The following MYO16 variants were observed in gnomAD, a reference collection of about 807,000 sequenced individuals.
The protein encoded by MYO16 is unconventional myosin-XVI.
Under a neutral mutation model 205.3 loss-of-function variants are expected in MYO16, and 94 were observed. The ratio of observed to expected loss-of-function variants is 0.46; its 90% confidence interval spans 0.39 to 0.54. The LOEUF (loss-of-function observed/expected upper bound fraction) is 0.54. Among genes scored for constraint, MYO16 ranks in the 20% least tolerant of loss-of-function variants. The pLI is 0.00. For synonymous variants in MYO16, 988 were observed against 954.0 expected (o/e 1.04, Z -0.66); for missense variants, 2,315 against 2,387.5 (o/e 0.97, Z 0.63).
rs78399922 is a variant in MYO16, at chr13:109,035,867, C to T, written c.2797-11049C>T. Among the ~76,000 whole-genome samples the T allele has an allele frequency of 6.5e-3, 987 of 152,208 alleles. 12 individuals are homozygous for T. The highest frequency in any genetic ancestry group is 0.023 in the African/African-American group (938 of 41,528). On this transcript the variant is annotated intron_variant, in intron 23 of 34. Coordinates refer to ENST00000457511, the MANE Select transcript of MYO16 (RefSeq NM_001198950.3). Reference sequence around the variant, plus strand: ...ACGTGCATCCAACTTAACTGGGGAGCAAGTTTAAAATGCAGCTTCCTGGAT... The same window carrying T: ...ACGTGCATCCAACTTAACTGGGGAGTAAGTTTAAAATGCAGCTTCCTGGAT...
chr13:108,852,781 A>G (rs984086249), intron 10 of MYO16, among the ~76,000 whole-genome samples: 47 of 152,294 alleles, frequency 3.1e-4, no homozygotes, highest in Admixed American at 7.8e-4. Context: ...GCACTGGGCC[A>G]AATTTTCCTC....
intron 20 of MYO16, among the ~76,000 whole-genome samples, chr13:108,975,206 A>G (rs1275077799): frequency 1.3e-5 from 2 of 151,696 alleles, no homozygotes; most frequent in East Asian, 1.9e-4. Flanking sequence ...TTTTTTATTA[A>G]AAAGGCCACT....
intron 14 of MYO16, among the ~76,000 whole-genome samples, chr13:108,892,880 G>A (rs74119695): frequency 4.2e-4 from 64 of 152,274 alleles, no homozygotes; most frequent in African/African-American, 1.5e-3. Flanking sequence ...ATTCTAAAGT[G>A]CATTCCTTTG....
At chr13:108,523,274 G>A in the MYO16 span, among the ~76,000 whole-genome samples, 1 of 152,208 alleles carries the variant, frequency 6.6e-6, no homozygotes, top group African/African-American at 2.4e-5. Flanking sequence ...AGGAAACTCA[G>A]ATTTCTGAAT....
At chr13:109,012,899 T>C (rs1314192122) in intron 22 of MYO16, among the ~76,000 whole-genome samples, 4 of 152,024 alleles carry the variant, frequency 2.6e-5, no homozygotes, top group African/African-American at 7.2e-5. Flanking sequence ...GGTCTAAAAA[T>C]TGGAATATCA....
chr13:109,183,295 C>T (rs1221809366), intron 34 of MYO16, among the ~76,000 whole-genome samples: 1 of 152,212 alleles, frequency 6.6e-6, no homozygotes, highest in Non-Finnish European at 1.5e-5. Flanking sequence ...TGGCAATCCT[C>T]TGCCGACTCA....
chr13:108,585,677 T>C, the MYO16 span, among the ~76,000 whole-genome samples: 3 of 152,174 alleles, frequency 2.0e-5, no homozygotes, highest in Non-Finnish European at 4.4e-5. Flanking sequence ...TGGGGTTAAG[T>C]ATTTTTTTCC....
In MYO16 at chr13:108,734,806, G is replaced by A. The variant is rs750716478; in HGVS notation, c.507+7223G>A. Among the ~76,000 whole-genome samples the A allele has an allele frequency of 5.4e-4, 82 of 152,346 alleles. 1 individual carries two copies. Among genetic ancestry groups the A allele is most frequent in the Middle Eastern group, 3.4e-3 (1 of 294 alleles). On this transcript the variant is annotated intron_variant, in intron 4 of 34. Transcript: ENST00000457511. ...TTTCTGGAAGGTATCATGTCCCATG[G>A]TGTGGGCAGGGCCTCTTGCTCTTCA...
At chr13:108,968,674 G>A (rs1883893352) in intron 20 of MYO16, among the ~76,000 whole-genome samples, 1 of 152,042 alleles carries the variant, frequency 6.6e-6, no homozygotes, top group East Asian at 1.9e-4. Flanking sequence ...AGTCAAAATA[G>A]CAATTTGATG....
chr13:108,607,307 T>C (rs1285011242), intron 1 of MYO16, among the ~76,000 whole-genome samples: 1 of 152,170 alleles, frequency 6.6e-6, no homozygotes, highest in Non-Finnish European at 1.5e-5. Flanking sequence ...TCTGGCTATG[T>C]GTCCCCACCC....
intron 1 of MYO16, among the ~76,000 whole-genome samples, chr13:108,599,339 T>C (rs1017695744): frequency 6.7e-6 from 1 of 148,996 alleles, no homozygotes; most frequent in African/African-American, 2.5e-5. Flanking sequence ...TGATTTATAG[T>C]CCTTTGGGTA....
intron 6 of MYO16, among the ~76,000 whole-genome samples, chr13:108,804,918 G>A (rs1014645218): frequency 2.6e-5 from 4 of 152,186 alleles, no homozygotes; most frequent in Non-Finnish European, 5.9e-5. Context: ...AATTTTTGCT[G>A]TATGGAAAGC....
intron 31 of MYO16, among the ~76,000 whole-genome samples, chr13:109,134,478 G>A (rs1876679429): frequency 6.6e-6 from 1 of 152,172 alleles, no homozygotes; most frequent in East Asian, 1.9e-4. Context: ...TGGAGCAGTT[G>A]TCACTCTCGG....
chr13:108,555,891 G>A, the MYO16 span, among the ~76,000 whole-genome samples: 117 of 152,136 alleles, frequency 7.7e-4, no homozygotes, highest in African/African-American at 2.5e-3. Context: ...CCATAATGTG[G>A]TCCAAGTTCA....
At chr13:108,993,273 G>A (rs1884897920) in intron 21 of MYO16, among the ~76,000 whole-genome samples, 1 of 152,020 alleles carries the variant, frequency 6.6e-6, no homozygotes, top group South Asian at 2.1e-4. Context: ...TAGTAGCGTC[G>A]ATTTCTTGGC....
intron 16 of MYO16, among the ~76,000 whole-genome samples, chr13:108,926,758 T>C (rs1405739988): frequency 2.0e-5 from 3 of 152,166 alleles, no homozygotes; most frequent in African/African-American, 7.2e-5. Flanking sequence ...CCAGAAAGGC[T>C]CTTTCCTTAC....
chr13:108,590,992 A>G, the MYO16 span, among the ~76,000 whole-genome samples: 5 of 152,336 alleles, frequency 3.3e-5, no homozygotes, highest in African/African-American at 9.6e-5. Context: ...TGTTGAATAT[A>G]CAAAAGACAA....
upstream of MYO16, among the ~76,000 whole-genome samples, chr13:108,626,412 C>G (rs1374487268): frequency 6.6e-6 from 1 of 152,148 alleles, no homozygotes; most frequent in African/African-American, 2.4e-5. Context: ...TAATTTTGTA[C>G]TTAATGACCA....
chr13:109,013,418 A>G (rs1409021366), intron 22 of MYO16, among the ~76,000 whole-genome samples: 1 of 152,182 alleles, frequency 6.6e-6, no homozygotes, highest in South Asian at 2.1e-4. Context: ...TAGTGCCACA[A>G]TAAACATACG....
Sources: gnomAD v4.1 joint callset for allele counts (sites outside exome capture counted in the v4.1 genomes callset) on GRCh38, gnomAD v4.1.1 for gene constraint, MANE v1.5 for transcripts, NCBI Gene and HGNC (gene_info 2026-07-23, HGNC 2026-07-21) for gene names.